Variants in GIP observed in about 807,000 individuals in gnomAD.
The protein encoded by GIP is glucose-dependent insulinotropic polypeptide.
In GIP, 16 loss-of-function variants were observed where a neutral mutation model predicts 18.1. The observed-to-expected ratio is 0.88, with a 90% CI of 0.60 to 1.34. The LOEUF (loss-of-function observed/expected upper bound fraction) is 1.34. GIP is among the 40% of genes most tolerant of loss of function. The pLI, the probability that GIP is intolerant of heterozygous loss-of-function variation, is 0.00. For synonymous variants in GIP, 76 were observed against 74.0 expected (o/e 1.03, Z -0.14); for missense variants, 192 against 183.4 (o/e 1.05, Z -0.27).
In GIP at chr17:48,959,308, A is replaced by T. The variant is rs575293242; in HGVS notation, c.453-592T>A. Reference sequence around the variant, plus strand: ...GCCTCATCAAATCACCATTTTAATGATAAGTAATCAAAATAATTCACAATA... The same window carrying T: ...GCCTCATCAAATCACCATTTTAATGTTAAGTAATCAAAATAATTCACAATA... On this transcript the variant is annotated intron_variant, in intron 5 of 5. Coordinates refer to ENST00000357424, the MANE Select transcript of GIP (RefSeq NM_004123.3). Among the ~76,000 whole-genome samples, 3 of 152,256 alleles carry T rather than the reference A, an allele frequency of 2.0e-5. No individual in the cohort carries two copies. In the South Asian group the frequency reaches 6.2e-4, roughly 32 times the overall value.
intron 3 of GIP, among the ~76,000 whole-genome samples, chr17:48,963,698 G>C (rs1567796941): frequency 6.6e-6 from 1 of 151,694 alleles, no homozygotes; most frequent in African/African-American, 2.4e-5. Flanking sequence ...GCCAGGCGTG[G>C]TGGCACATGC....
At chr17:48,961,183 A>C (rs1441398104) in intron 4 of GIP, among the ~76,000 whole-genome samples, 196 bp from the exon 5 acceptor site, 1 of 152,090 alleles carries the variant, frequency 6.6e-6, no homozygotes, top group African/African-American at 2.4e-5. Flanking sequence ...CTGCCTGGGG[A>C]ATATGGACTC....
intron 3 of GIP, among the ~76,000 whole-genome samples, chr17:48,963,024 G>A (rs984266959): frequency 6.6e-6 from 1 of 151,494 alleles, no homozygotes; most frequent in Admixed American, 6.6e-5. Context: ...GGAGAATGAC[G>A]TGAACCCGGG....
In GIP at chr17:48,958,567, G is replaced by A; in HGVS notation, c.*140C>T. Reference sequence around the variant, plus strand: ...AAACATGCCCTGTTAGTGCTCAGTAGTCATTTTAATAAATTTTCACAATGG... The same window carrying A: ...AAACATGCCCTGTTAGTGCTCAGTAATCATTTTAATAAATTTTCACAATGG... On this transcript the variant is annotated 3_prime_UTR_variant, in exon 6 of 6. Transcript: ENST00000357424. 2 of 692,646 alleles carry A rather than the reference G, an allele frequency of 2.9e-6. No individual in the cohort carries two copies. Among genetic ancestry groups the A allele is most frequent in the African/African-American group, 1.8e-5 (1 of 55,962 alleles). The allele number at this position is 692,646 out of a possible 1,614,324, so 42.9% of individuals were successfully genotyped here. A position where few individuals can be genotyped will look rare whatever the true frequency, so the allele number is the denominator to read the frequency against.
At chr17:48,967,666 C>T (rs2041242527) in intron 1 of GIP, among the ~76,000 whole-genome samples, 3 of 151,454 alleles carry the variant, frequency 2.0e-5, no homozygotes, top group African/African-American at 7.3e-5. Flanking sequence ...CCAGTTTGGA[C>T]CTTTTCTAAG....
At chr17:48,959,043 A>G (rs2041184874) in intron 5 of GIP, among the ~76,000 whole-genome samples, 1 of 151,924 alleles carries the variant, frequency 6.6e-6, no homozygotes, top group Non-Finnish European at 1.5e-5. Context: ...TTTAATAGAG[A>G]CAGGGTTTCA....
intron 1 of GIP, among the ~76,000 whole-genome samples, chr17:48,967,607 C>A (rs1166406604): frequency 2.6e-5 from 4 of 151,404 alleles, no homozygotes; most frequent in African/African-American, 9.7e-5. Flanking sequence ...ATCTGCCCAC[C>A]TGGGCCTCCC....
chr17:48,963,602 G>A (rs2041212974), intron 3 of GIP, among the ~76,000 whole-genome samples: 1 of 151,940 alleles, frequency 6.6e-6, no homozygotes, highest in Non-Finnish European at 1.5e-5. Context: ...GGAAGTTGCA[G>A]TGAGCCAAGA....
intron 1 of GIP, 138 bp from the exon 2 acceptor site, chr17:48,967,391 G>A (rs1349429389): frequency 3.0e-5 from 17 of 565,536 alleles, no homozygotes; most frequent in South Asian, 1.4e-4. Context: ...ATGGAGTCTC[G>A]CTCTGTCGTC....
intron 2 of GIP, 103 bp from the exon 3 acceptor site, chr17:48,964,583 G>C: frequency 9.8e-7 from 1 of 1,024,902 alleles, no homozygotes; most frequent in African/African-American, 1.6e-5. Flanking sequence ...AAACAAACCA[G>C]TCCGTTTTTA....
chr17:48,961,912 G>C, intron 3 of GIP, 93 bp from the exon 4 acceptor site: 1 of 883,362 alleles, frequency 1.1e-6, no homozygotes, highest in South Asian at 1.5e-5. Context: ...AAAAGCAGAG[G>C]GTACCTTTTT....
chr17:48,959,098 C>T (rs2041185324), intron 5 of GIP, among the ~76,000 whole-genome samples: 1 of 152,054 alleles, frequency 6.6e-6, no homozygotes, highest in Non-Finnish European at 1.5e-5. Context: ...TCATGATCCA[C>T]CCTCCTCGGC....
At chr17:48,961,094 G>A (rs1170645579) in intron 4 of GIP, 107 bp from the exon 5 acceptor site, 2 of 666,640 alleles carry the variant, frequency 3.0e-6, no homozygotes, top group East Asian at 2.9e-5. Flanking sequence ...ATGGGGGGAG[G>A]GAGCCGACAC....
intron 2 of GIP, 126 bp downstream of exon 2, chr17:48,967,021 T>C: frequency 1.4e-6 from 1 of 690,710 alleles, no homozygotes; most frequent in South Asian, 1.7e-5. Flanking sequence ...GGCAGGTATT[T>C]CCCTGGAGCT....
In GIP at chr17:48,964,967, G is replaced by A. The variant is rs2041227304; in HGVS notation, c.87-487C>T. Reference sequence around the variant, plus strand: ...ATCCTGGCTAACACAGTGAAACCCCGTCTCTACTAAAAATACAAAAAATTA... The same window carrying A: ...ATCCTGGCTAACACAGTGAAACCCCATCTCTACTAAAAATACAAAAAATTA... On this transcript the variant is annotated intron_variant, in intron 2 of 5. Transcript: ENST00000357424. Among the ~76,000 whole-genome samples, 4 of 151,618 alleles carry A rather than the reference G, an allele frequency of 2.6e-5. No homozygotes were observed. In the East Asian group the frequency reaches 7.8e-4, roughly 30 times the overall value.
Position 48,964,787 on chromosome 17 carries a change from G to A in GIP, c.87-307C>T, listed in dbSNP as rs183132923. ...AAGGCAGGCGGATCACCTGAGGTCG[G>A]GATCGAGACCAGCCTGACCAACATG... On this transcript the variant is annotated intron_variant, in intron 2 of 5. Coordinates refer to ENST00000357424, the MANE Select transcript of GIP (RefSeq NM_004123.3). 1.5e-3 allele frequency among the ~76,000 whole-genome samples: 228 copies of A among 152,154 alleles called. 1 individual carries two copies. Among genetic ancestry groups the A allele is most frequent in the African/African-American group, 5.1e-3 (213 of 41,540 alleles).
chr17:48,958,764 C>A, intron 5 of GIP, 48 bp from the exon 6 acceptor site: 4 of 1,520,688 alleles, frequency 2.6e-6, no homozygotes, highest in Non-Finnish European at 3.6e-6. Flanking sequence ...GACTTGGAGT[C>A]GGCCAAGCAC....
At chr17:48,965,256 G>A (rs1598104897) in intron 2 of GIP, among the ~76,000 whole-genome samples, 1 of 148,072 alleles carries the variant, frequency 6.8e-6, no homozygotes, top group Non-Finnish European at 1.5e-5. Flanking sequence ...AGCTGAAATC[G>A]TGCCATTGCA....
intron 5 of GIP, among the ~76,000 whole-genome samples, 171 bp downstream of exon 5, chr17:48,960,715 T>A (rs1371737254): frequency 6.6e-6 from 1 of 152,166 alleles, no homozygotes; most frequent in African/African-American, 2.4e-5. Flanking sequence ...ATTCTCTTAC[T>A]TAAAGCTGAC....
Sources: gnomAD v4.1 joint callset for allele counts (sites outside exome capture counted in the v4.1 genomes callset) on GRCh38, gnomAD v4.1.1 for gene constraint, MANE v1.5 for transcripts, NCBI Gene and HGNC (gene_info 2026-07-23, HGNC 2026-07-21) for gene names.